The following GPAT3 variants were observed in gnomAD, a reference collection of about 807,000 sequenced individuals.
GPAT3 encodes the protein glycerol-3-phosphate acyltransferase 3.
Under a neutral mutation model 58.8 loss-of-function variants are expected in GPAT3, and 53 were observed. The observed-to-expected ratio is 0.90, with a 90% CI of 0.72 to 1.13. The LOEUF is 1.13. Among genes scored for constraint, GPAT3 ranks in the 50% most tolerant of loss-of-function variants. The probability of loss-of-function intolerance (pLI) is 0.00; values close to 1 mark genes in which losing one functional copy is unlikely to be tolerated. For missense variants in GPAT3, 511 were observed against 527.6 expected, an observed-to-expected ratio of 0.97 and a Z score of 0.31; for synonymous variants, 197 against 187.4, an observed-to-expected ratio of 1.05 and a Z score of -0.42.
chr4:83,575,086 C>T (rs2110091849), intron 2 of GPAT3, among the ~76,000 whole-genome samples: 1 of 152,080 alleles, frequency 6.6e-6, no homozygotes, highest in Middle Eastern at 3.4e-3. Context: ...CCGTGTTAGC[C>T]AGGATGGTCT....
Position 83,587,285 on chromosome 4 carries a change from G to A in GPAT3, c.510G>A (p.Leu170=). 6.2e-7 allele frequency: 1 copy of A among 1,613,876 alleles called. No homozygotes were observed. Among genetic ancestry groups the A allele is most frequent in the Non-Finnish European group, 8.5e-7 (1 of 1,179,938 alleles). ...CCTTGGCTTTCATTGGGATCAGTTT[G>A]CTGGTTATAGGAACTACACTGGTTG... is the stretch of plus-strand genomic sequence containing the variant. The part of the protein sequence containing the change: ...RVTLAFIGIS[L]LVIGTTLVGQ... The change falls in exon 4 of 12, where the codon TTG becomes TTA. Residue 170 remains leucine (L), a synonymous_variant. Coordinates refer to ENST00000264409, the MANE Select transcript of GPAT3 (RefSeq NM_032717.5).
chr4:83,584,553 TC>T (rs879783756), intron 3 of GPAT3, among the ~76,000 whole-genome samples: 1 of 152,230 alleles, frequency 6.6e-6, no homozygotes, highest in African/African-American at 2.4e-5. Flanking sequence ...AGAGTCTCAC[TC>T]CATCACTTAG....
chr4:83,583,328 C>A (rs1028933945), intron 3 of GPAT3, among the ~76,000 whole-genome samples: 13 of 151,692 alleles, frequency 8.6e-5, no homozygotes, highest in African/African-American at 2.9e-4. Flanking sequence ...AAAAAAGCTT[C>A]TGTTCGCTTT....
intron 2 of GPAT3, among the ~76,000 whole-genome samples, chr4:83,565,134 T>C (rs1478652762): frequency 6.6e-6 from 1 of 152,096 alleles, no homozygotes; most frequent in Non-Finnish European, 1.5e-5. Context: ...GGAGTCTTGC[T>C]GTGTTGCCCA....
chr4:83,563,228 A>G (rs1725246255), intron 2 of GPAT3, among the ~76,000 whole-genome samples: 1 of 152,192 alleles, frequency 6.6e-6, no homozygotes, highest in Non-Finnish European at 1.5e-5. Context: ...TTGTGTAAAC[A>G]CTTTAAATTT....
intron 2 of GPAT3, among the ~76,000 whole-genome samples, chr4:83,546,910 A>G (rs1404304036): frequency 6.6e-6 from 1 of 152,106 alleles, no homozygotes; most frequent in East Asian, 1.9e-4. Context: ...AGGGGTACTT[A>G]GTACCAGGGG....
intron 2 of GPAT3, among the ~76,000 whole-genome samples, chr4:83,545,084 C>T (rs1303493270): frequency 6.6e-6 from 1 of 152,198 alleles, no homozygotes; most frequent in African/African-American, 2.4e-5. Flanking sequence ...TCATCACATA[C>T]TATACTTGCC....
chr4:83,586,045 A>G (rs1211379636), intron 3 of GPAT3, among the ~76,000 whole-genome samples: 1 of 152,072 alleles, frequency 6.6e-6, no homozygotes, highest in Non-Finnish European at 1.5e-5. Context: ...TAGCCTTTCT[A>G]TGCTCCAATT....
chr4:83,572,728 C>T (rs761214825), intron 2 of GPAT3, among the ~76,000 whole-genome samples: 11 of 152,200 alleles, frequency 7.2e-5, no homozygotes, highest in East Asian at 1.9e-4. Context: ...GCCATTATTA[C>T]GCTTAACTAA....
chr4:83,595,093 C>T (rs1354568876), intron 7 of GPAT3, 133 bp downstream of exon 7: 1 of 707,318 alleles, frequency 1.4e-6, no homozygotes, highest in East Asian at 2.8e-5. Context: ...TTGGATTTTT[C>T]TGGCAAATCA....
chr4:83,573,348 AG>A (rs1467663011), intron 2 of GPAT3, among the ~76,000 whole-genome samples: 1 of 152,118 alleles, frequency 6.6e-6, no homozygotes, highest in African/African-American at 2.4e-5. Context: ...TATATTGGCC[AG>A]GCTGGGTCCA....
At chr4:83,599,567 G>T (rs1319711930) in intron 11 of GPAT3, among the ~76,000 whole-genome samples, 1 of 152,122 alleles carries the variant, frequency 6.6e-6, no homozygotes, top group Non-Finnish European at 1.5e-5. Flanking sequence ...TGTGAGTGGG[G>T]TGGGCATTGG....
chr4:83,548,567 G>T (rs951236433), intron 2 of GPAT3, among the ~76,000 whole-genome samples: 1 of 151,500 alleles, frequency 6.6e-6, no homozygotes, highest in African/African-American at 2.4e-5. Flanking sequence ...GCATTTACCT[G>T]GGAGTGAGTC....
Position 83,598,157 on chromosome 4 carries a change from A to T in GPAT3, c.1103A>T (p.Tyr368Phe), listed in dbSNP as rs771494552. Residue 368 changes from tyrosine to phenylalanine, a missense_variant, in exon 10 of 12, where the codon TAC becomes TTC. Coordinates refer to ENST00000264409, the MANE Select transcript of GPAT3 (RefSeq NM_032717.5). ...TSWAIVCDVW[Y>F]MPPMTREEGE... is the part of the protein sequence containing the mutation. ...TGGGCCATCGTCTGTGACGTGTGGTACATGCCCCCCATGACCAGAGAGGTA... is the reference window on the plus strand; with the variant it reads ...TGGGCCATCGTCTGTGACGTGTGGTTCATGCCCCCCATGACCAGAGAGGTA... The T allele has an allele frequency of 6.2e-7, 1 of 1,613,432 alleles. No individual in the cohort carries two copies. The highest frequency in any genetic ancestry group is 1.7e-5 in the Admixed American group (1 of 59,806).
At chr4:83,596,251 G>A (rs1466530615) in intron 7 of GPAT3, among the ~76,000 whole-genome samples, 1 of 152,112 alleles carries the variant, frequency 6.6e-6, no homozygotes, top group East Asian at 1.9e-4. Context: ...ATGACACAGA[G>A]GCTCTAGAGT....
chr4:83,578,015 G>T (rs1026223258), intron 2 of GPAT3, among the ~76,000 whole-genome samples: 11 of 152,086 alleles, frequency 7.2e-5, no homozygotes, highest in African/African-American at 2.7e-4. Context: ...TGGCCAGGCT[G>T]GTCTCAAACT....
intron 2 of GPAT3, among the ~76,000 whole-genome samples, chr4:83,548,139 T>C (rs1453674715): frequency 6.6e-6 from 1 of 152,220 alleles, no homozygotes; most frequent in Admixed American, 6.5e-5. Context: ...AAAGCAGAAG[T>C]GCTAGAGCCA....
chr4:83,598,280 C>A, intron 10 of GPAT3, 101 bp downstream of exon 10: 1 of 1,469,064 alleles, frequency 6.8e-7, no homozygotes, highest in South Asian at 1.2e-5. Flanking sequence ...TTTCTGCTTT[C>A]TCAGCAAATG....
chr4:83,597,956 T>A (rs905806800), intron 9 of GPAT3, 95 bp from the exon 10 acceptor site: 2 of 1,425,298 alleles, frequency 1.4e-6, no homozygotes, highest in East Asian at 4.7e-5. Flanking sequence ...TCTTAGAGTC[T>A]GATAAAGCTG....
Sources: gnomAD v4.1 joint callset for allele counts (sites outside exome capture counted in the v4.1 genomes callset) on GRCh38, gnomAD v4.1.1 for gene constraint, MANE v1.5 for transcripts, NCBI Gene and HGNC (gene_info 2026-07-23, HGNC 2026-07-21) for gene names.